The following TRIM67 variants were observed in gnomAD, a reference collection of about 807,000 sequenced individuals.
TRIM67 encodes the protein tripartite motif containing 67.
TRIM67 carries 39 observed loss-of-function variants against 71.0 expected under a neutral mutation model. The ratio of observed to expected loss-of-function variants is 0.55; its 90% CI spans 0.43 to 0.72. TRIM67 has a LOEUF of 0.72. Among genes scored for constraint, TRIM67 ranks in the 30% least tolerant of loss-of-function variants. The pLI, the probability that TRIM67 is intolerant of heterozygous loss-of-function variation, is 0.00. For missense variants in TRIM67, 973 were observed against 1,079.2 expected, an observed-to-expected ratio of 0.90 and a Z score of 1.38; for synonymous variants, 481 against 473.9, an observed-to-expected ratio of 1.01 and a Z score of -0.19.
At position 231,172,683 on chromosome 1, in the gene TRIM67, G is replaced by T. The variant is rs558099367; in HGVS notation, c.1044+8670G>T. ...GACATCTAAAAAAATCTGTCCAGAC[G>T]GTGCATAGTTGTAAAAAATTAGGTC... On this transcript the variant is annotated intron_variant, in intron 1 of 9. Transcript: ENST00000366653. 2.6e-5 allele frequency among the ~76,000 whole-genome samples: 4 copies of T among 152,272 alleles called. 1 individual carries two copies. Among genetic ancestry groups the T allele is most frequent in the African/African-American group, 9.6e-5 (4 of 41,548 alleles).
chr1:231,187,600 GA>G (rs781647975), intron 1 of TRIM67: 7 of 1,511,096 alleles, frequency 4.6e-6, no homozygotes, highest in African/African-American at 1.4e-5. Flanking sequence ...ATGATGGTGT[GA>G]AACTCTCAGT....
chr1:231,174,264 T>A (rs1682688532), intron 1 of TRIM67, among the ~76,000 whole-genome samples: 1 of 149,828 alleles, frequency 6.7e-6, no homozygotes, highest in Non-Finnish European at 1.5e-5. Flanking sequence ...GTTCAAACAA[T>A]CCTCCTGCCT....
intron 1 of TRIM67, among the ~76,000 whole-genome samples, chr1:231,191,548 C>T (rs1259756164): frequency 6.6e-6 from 1 of 151,542 alleles, no homozygotes; most frequent in Non-Finnish European, 1.5e-5. Context: ...GCAGAGGAAC[C>T]CTCTGGTGTG....
intron 8 of TRIM67, among the ~76,000 whole-genome samples, chr1:231,211,273 G>C (rs1469452243): frequency 6.6e-6 from 1 of 151,926 alleles, no homozygotes; most frequent in Non-Finnish European, 1.5e-5. Flanking sequence ...ACAGCCCCTT[G>C]GTGCCACCTC....
At chr1:231,174,218 G>A (rs1270615395) in intron 1 of TRIM67, among the ~76,000 whole-genome samples, 3 of 148,978 alleles carry the variant, frequency 2.0e-5, no homozygotes, top group East Asian at 2.0e-4. Flanking sequence ...TAGTGCAGTG[G>A]CACAATCATA....
intron 1 of TRIM67, among the ~76,000 whole-genome samples, chr1:231,188,245 T>C (rs762465086): frequency 6.6e-6 from 1 of 152,150 alleles, no homozygotes; most frequent in Non-Finnish European, 1.5e-5. Context: ...TCCTCCCACA[T>C]GTGTCCCCTG....
chr1:231,175,891 C>CA, intron 1 of TRIM67, among the ~76,000 whole-genome samples: 1 of 152,274 alleles, frequency 6.6e-6, no homozygotes, highest in Middle Eastern at 3.4e-3. Context: ...CTCTGGTTTG[C>CA]AAAATATCTT....
In TRIM67 at chr1:231,163,724, A is replaced by AGCC. The variant is rs746097685; in HGVS notation, c.777_779dup (p.Pro260dup). The AGCC allele has an allele frequency of 1.4e-4, 215 of 1,492,508 alleles. No individual in the cohort carries two copies. The highest frequency in any genetic ancestry group is 5.0e-4 in the South Asian group (39 of 78,408). 92.5% of individuals were successfully genotyped at this position (1,492,508 alleles called of 1,614,324 possible). A position where few individuals can be genotyped will look rare whatever the true frequency, so the allele number is the denominator to read the frequency against. On this transcript the variant is annotated inframe_insertion, in exon 1 of 10. Transcript: ENST00000366653. ...CCCTTCGCCAAGCATCGCCTGGTGC[A>AGCC]GCCGCCGCCGCCGCCGCCGCCGCCC...
At chr1:231,174,287 T>C (rs1300667724) in intron 1 of TRIM67, among the ~76,000 whole-genome samples, 1 of 151,820 alleles carries the variant, frequency 6.6e-6, no homozygotes, top group African/African-American at 2.4e-5. Context: ...GCCTTCCAAG[T>C]AGCTAGGACT....
chr1:231,209,044 G>A lies in TRIM67; in HGVS notation c.1917G>A (p.Val639=), dbSNP rs756812239. ...TATCSSYDDR[V]VLGTAAFSKG... The stretch of plus-strand genomic sequence containing the variant: ...CCTGCAGCAGCTATGACGACCGGGT[G>A]GTGCTGGGCACAGCTGCGTTCTCCA... Residue 639 remains valine, a synonymous_variant, in exon 8 of 10, where the codon GTG becomes GTA. Coordinates refer to ENST00000366653, the MANE Select transcript of TRIM67 (RefSeq NM_001004342.5). This position sits in a 1 kb window ranked among gnomAD's most constrained non-coding sequence, Gnocchi z 4.1. 1 of 1,613,722 alleles carries A rather than the reference G, an allele frequency of 6.2e-7. No homozygotes were observed. Among genetic ancestry groups the A allele is most frequent in the Admixed American group, 1.7e-5 (1 of 60,006 alleles).
At position 231,215,880 on chromosome 1, in the gene TRIM67, G is replaced by T. The variant is rs904649357; in HGVS notation, c.*440G>T. 1 of 996,846 alleles carries T rather than the reference G, an allele frequency of 1.0e-6. No homozygotes were observed. The highest frequency in any genetic ancestry group is 1.1e-4 in the East Asian group (1 of 9,358). The allele number at this position is 996,846 out of a possible 1,614,324, so 61.8% of individuals were successfully genotyped here. ...CACGCCCCGGGTGTTGGCCCTCCGT[G>T]GGGACCTTGCCTCCTCAGAGTCCCG... On this transcript the variant is annotated 3_prime_UTR_variant, in exon 10 of 10. Coordinates refer to ENST00000366653, the MANE Select transcript of TRIM67 (RefSeq NM_001004342.5).
intron 1 of TRIM67, among the ~76,000 whole-genome samples, chr1:231,174,414 C>T (rs1446746076): frequency 6.6e-6 from 1 of 151,906 alleles, no homozygotes; most frequent in East Asian, 1.9e-4. Context: ...ATGTCTCCTA[C>T]CTTAGCCACC....
intron 1 of TRIM67, chr1:231,187,380 G>T: frequency 1.3e-6 from 1 of 761,584 alleles, no homozygotes; most frequent in Non-Finnish European, 2.0e-6. Flanking sequence ...TTACCCAGGA[G>T]CCTCTACCTT....
chr1:231,166,449 G>A (rs1385002117), intron 1 of TRIM67, among the ~76,000 whole-genome samples: 1 of 152,224 alleles, frequency 6.6e-6, no homozygotes, highest in Non-Finnish European at 1.5e-5. Context: ...TGTATGCTGT[G>A]AGGGTGGCTA....
At chr1:231,182,464 G>A (rs927964485) in intron 1 of TRIM67, among the ~76,000 whole-genome samples, 7 of 152,122 alleles carry the variant, frequency 4.6e-5, no homozygotes, top group African/African-American at 1.2e-4. Context: ...TCCACATCTC[G>A]TTGGCACAGG....
intron 1 of TRIM67, among the ~76,000 whole-genome samples, chr1:231,192,370 C>T (rs1454111147): frequency 1.3e-5 from 2 of 152,042 alleles, no homozygotes; most frequent in Non-Finnish European, 2.9e-5. Context: ...CCAGTCTGGT[C>T]GTACTCATTA....
At chr1:231,207,605 C>T (rs2102758809) in intron 7 of TRIM67, among the ~76,000 whole-genome samples, 1 of 152,344 alleles carries the variant, frequency 6.6e-6, no homozygotes, top group South Asian at 2.1e-4. Context: ...TTAGTCCACA[C>T]ATCCTCTGAC....
At position 231,209,244 on chromosome 1, in the gene TRIM67, C is replaced by T. The variant is rs1683798676; in HGVS notation, c.2117C>T (p.Thr706Ile). 3 of 1,543,828 alleles carry T rather than the reference C, an allele frequency of 1.9e-6. No homozygotes were observed. Among genetic ancestry groups the T allele is most frequent in the Non-Finnish European group, 2.6e-6 (3 of 1,139,458 alleles). ...TGGTTCATGCACTGCAACTCCCACA[C>T]CAACAGGTGCGATTGGGCCCCATCC... ...RSWFMHCNSH[T>I]NRTEGGVCKG... is the part of the protein sequence containing the mutation. The change falls in exon 8 of 10, where the codon ACC becomes ATC. Residue 706 changes from threonine to isoleucine, a missense_variant. Physicochemically the swap from Thr to Ile is moderately conservative, Grantham distance 89 (BLOSUM62 -1). Transcript: ENST00000366653. The surrounding 1 kb of genome is among the most constrained non-coding windows in gnomAD (Gnocchi z 4.1).
chr1:231,164,110 C>T, intron 1 of TRIM67, 97 bp downstream of exon 1: 1 of 1,335,754 alleles, frequency 7.5e-7, no homozygotes, highest in East Asian at 2.9e-5. Flanking sequence ...GAAAGTCGGT[C>T]AGAGGGTCAG....
Sources: allele counts gnomAD v4.1 joint callset (sites outside exome capture counted in the v4.1 genomes callset), GRCh38; gene constraint gnomAD v4.1.1; non-coding constraint Gnocchi (gnomAD v3.1); transcripts MANE v1.5; gene names NCBI Gene and HGNC (gene_info 2026-07-23, HGNC 2026-07-21).